AFF1: variants seen among roughly 807,000 people sequenced by gnomAD.
The protein encoded by AFF1 is AF4/FMR2 family member 1.
Under a neutral mutation model 121.7 loss-of-function variants are expected in AFF1, and 48 were observed. The observed-to-expected ratio is 0.39, with a 90% CI of 0.31 to 0.50. The LOEUF is 0.50. AFF1 is among the 20% of genes least tolerant of loss of function. AFF1 has a pLI of 0.76. For synonymous variants in AFF1, 613 were observed against 563.0 expected (o/e 1.09, Z -1.26); for missense variants, 1,523 against 1,511.7 (o/e 1.01, Z -0.12).
At chr4:87,032,200 A>G (rs1444432604) in intron 2 of AFF1, among the ~76,000 whole-genome samples, 1 of 152,196 alleles carries the variant, frequency 6.6e-6, no homozygotes, top group Non-Finnish European at 1.5e-5. Flanking sequence ...AGCTGGGGTT[A>G]TGATGAAAAT....
chr4:87,013,024 A>G (rs1160363845), intron 2 of AFF1, among the ~76,000 whole-genome samples: 1 of 123,938 alleles, frequency 8.1e-6, no homozygotes, highest in East Asian at 2.2e-4. Flanking sequence ...TTGAACTGCT[A>G]TCAAGTTCTT....
chr4:86,985,672 A>G (rs1724193407), intron 2 of AFF1, among the ~76,000 whole-genome samples: 1 of 152,076 alleles, frequency 6.6e-6, no homozygotes, highest in African/African-American at 2.4e-5. Flanking sequence ...GCAAAACTCC[A>G]TCTTAGTAAA....
intron 2 of AFF1, among the ~76,000 whole-genome samples, chr4:87,036,179 T>C (rs750087783): frequency 4.6e-5 from 7 of 152,162 alleles, no homozygotes; most frequent in Non-Finnish European, 1.0e-4. Context: ...GGTGACAGAC[T>C]TTATCTCAGG....
intron 4 of AFF1, among the ~76,000 whole-genome samples, chr4:87,065,365 G>T (rs1452531987): frequency 2.6e-5 from 4 of 152,136 alleles, no homozygotes. Flanking sequence ...CCTCCCACCA[G>T]CTCCCTCCCA....
At position 87,111,006 on chromosome 4, in the gene AFF1, T is replaced by A. The variant is rs1367383257; in HGVS notation, c.1533+2691T>A. Among the ~76,000 whole-genome samples, 5 of 25,496 alleles carry A rather than the reference T, an allele frequency of 2.0e-4. 1 individual carries two copies. The highest frequency in any genetic ancestry group is 2.7e-4 in the Non-Finnish European group (3 of 11,052). The allele number at this position is 25,496 out of a possible 152,430, so 16.7% of individuals were successfully genotyped here. A position where few individuals can be genotyped will look rare whatever the true frequency, so the allele number is the denominator to read the frequency against. On this transcript the variant is annotated intron_variant, in intron 11 of 20. Transcript: ENST00000395146. ...TTATCTACTTAAACTTTATTTTTTT[T>A]TTTTTATTTTTTTTTTTTTGAGACG...
intron 2 of AFF1, among the ~76,000 whole-genome samples, chr4:86,983,892 C>T (rs1384965314): frequency 2.6e-5 from 4 of 151,526 alleles, no homozygotes; most frequent in African/African-American, 9.7e-5. Context: ...AAAAAATTAG[C>T]CAGGCGTGAT....
chr4:86,947,474 G>A (rs1327609748), intron 1 of AFF1, among the ~76,000 whole-genome samples: 1 of 152,312 alleles, frequency 6.6e-6, no homozygotes, highest in Non-Finnish European at 1.5e-5. Context: ...ACAGAGGCAA[G>A]TTAAAATGAT....
intron 2 of AFF1, among the ~76,000 whole-genome samples, chr4:87,020,553 C>T (rs1029408246): frequency 2.6e-5 from 4 of 152,136 alleles, no homozygotes; most frequent in Non-Finnish European, 4.4e-5. Flanking sequence ...GGCGCAATTT[C>T]GGCTCACTGT....
chr4:87,024,296 G>A (rs1172870729), intron 2 of AFF1, among the ~76,000 whole-genome samples: 1 of 152,182 alleles, frequency 6.6e-6, no homozygotes, highest in Admixed American at 6.5e-5. Context: ...TGGGGTGTCT[G>A]TTTATCTCTA....
chr4:87,057,281 A>G (rs888438893), intron 4 of AFF1, among the ~76,000 whole-genome samples: 3 of 152,194 alleles, frequency 2.0e-5, no homozygotes, highest in African/African-American at 4.8e-5. Context: ...GTGGCAAGAT[A>G]GGGCCAGCTT....
At position 87,068,052 on chromosome 4, in the gene AFF1, T is replaced by C. The variant is rs537144428; in HGVS notation, c.1060-16068T>C. 3.6e-5 allele frequency among the ~76,000 whole-genome samples: 5 copies of C among 140,108 alleles called. No homozygotes were observed. The East Asian group carries it at 8.4e-4, about 24-fold the overall frequency. 91.9% of individuals were successfully genotyped at this position (140,108 alleles called of 152,430 possible). On this transcript the variant is annotated intron_variant, in intron 4 of 20. Transcript: ENST00000395146. ...ATATTAACAAGTAACCTCAGTAAAA[T>C]ACTAAAGTGACTGTTATGGGATAAA...
chr4:87,007,468 A>AG (rs1214603371), intron 2 of AFF1: 5 of 1,611,266 alleles, frequency 3.1e-6, no homozygotes, highest in Non-Finnish European at 4.2e-6. Flanking sequence ...GTTCGTGGCG[A>AG]GGGGAGCTGA....
rs967097199 is a variant in AFF1 at position 86,952,658 on chromosome 4, T to TA, written c.38+4096dup. Among the ~76,000 whole-genome samples, 74 of 138,068 alleles carry TA rather than the reference T, an allele frequency of 5.4e-4. No individual in the cohort carries two copies. The South Asian group carries it at 7.6e-3, about 14-fold the overall frequency. 90.6% of individuals were successfully genotyped at this position (138,068 alleles called of 152,430 possible). ...TGCACATGTATCCCAGGACTTAAAG[T>TA]AAAAAAAAACAAAAAAACAAAAACA... is the stretch of plus-strand genomic sequence containing the variant. On this transcript the variant is annotated intron_variant, in intron 2 of 20. Coordinates refer to ENST00000395146, the MANE Select transcript of AFF1 (RefSeq NM_001166693.3).
intron 4 of AFF1, among the ~76,000 whole-genome samples, chr4:87,072,681 C>T (rs1722211337): frequency 6.6e-6 from 1 of 151,856 alleles, no homozygotes; most frequent in Admixed American, 6.6e-5. Context: ...CCACCCACCA[C>T]CACGCCTGGC....
chr4:87,045,315 T>A (rs967041865), intron 2 of AFF1, among the ~76,000 whole-genome samples: 1 of 152,212 alleles, frequency 6.6e-6, no homozygotes, highest in Non-Finnish European at 1.5e-5. Flanking sequence ...TATTTCACTT[T>A]TTAATCATAC....
chr4:87,106,462 C>T (rs1040596005), intron 10 of AFF1, among the ~76,000 whole-genome samples: 8 of 152,138 alleles, frequency 5.3e-5, no homozygotes, highest in Admixed American at 6.5e-5. Context: ...GTTAAACTGA[C>T]GAGCCCAGTG....
chr4:86,986,035 C>CACTTT (rs764256531), intron 2 of AFF1, among the ~76,000 whole-genome samples: 1 of 137,630 alleles, frequency 7.3e-6, no homozygotes, highest in Non-Finnish European at 1.6e-5. Flanking sequence ...AAATTTAATT[C>CACTTT]AATTCAATTT....
At chr4:87,032,726 T>C (rs1219211451) in intron 2 of AFF1, among the ~76,000 whole-genome samples, 1 of 152,206 alleles carries the variant, frequency 6.6e-6, no homozygotes, top group Admixed American at 6.5e-5. Flanking sequence ...CCTTGACATT[T>C]AATTTTGGAT....
In AFF1 at chr4:87,086,491, A is replaced by T. The variant is rs181625739; in HGVS notation, c.1104+2327A>T. Among the ~76,000 whole-genome samples the T allele has an allele frequency of 2.1e-3, 325 of 152,316 alleles. 2 individuals are homozygous for T. The highest frequency in any genetic ancestry group is 0.019 in the South Asian group (94 of 4,830). ...CGAAATGCTTGAGAGAGAGTGGTTAATGTATAAATCATGCCCATTTATGAT... is the reference window on the plus strand; with the variant it reads ...CGAAATGCTTGAGAGAGAGTGGTTATTGTATAAATCATGCCCATTTATGAT... On this transcript the variant is annotated intron_variant, in intron 5 of 20. Coordinates refer to ENST00000395146, the MANE Select transcript of AFF1 (RefSeq NM_001166693.3).
Sources: allele counts gnomAD v4.1 joint callset (sites outside exome capture counted in the v4.1 genomes callset), GRCh38; gene constraint gnomAD v4.1.1; transcripts MANE v1.5; gene names NCBI Gene and HGNC (gene_info 2026-07-23, HGNC 2026-07-21).